Variants in MYO16 observed in about 807,000 individuals in gnomAD.
MYO16 encodes the protein unconventional myosin-XVI.
MYO16 carries 94 observed loss-of-function variants against 205.3 expected under a neutral mutation model. The ratio of observed to expected loss-of-function variants is 0.46; its 90% CI spans 0.39 to 0.54. MYO16 has a LOEUF of 0.54. MYO16 is among the 20% of genes least tolerant of loss of function. The pLI is 0.00. For synonymous variants in MYO16, 988 were observed against 954.0 expected (o/e 1.04, Z -0.66); for missense variants, 2,315 against 2,387.5 (o/e 0.97, Z 0.63).
At chr13:108,498,079 G>C in the MYO16 span, among the ~76,000 whole-genome samples, 5 of 152,188 alleles carry the variant, frequency 3.3e-5, no homozygotes, top group African/African-American at 4.8e-5. Flanking sequence ...TTGCATAAGT[G>C]AGAAGAGATA....
intron 28 of MYO16, among the ~76,000 whole-genome samples, chr13:109,103,826 G>C (rs905087183): frequency 6.6e-6 from 1 of 152,180 alleles, no homozygotes; most frequent in African/African-American, 2.4e-5. Context: ...CTATGCACCT[G>C]TGTCTGCTTT....
At chr13:108,928,975 C>A (rs1882133229) in intron 16 of MYO16, among the ~76,000 whole-genome samples, 1 of 152,000 alleles carries the variant, frequency 6.6e-6, no homozygotes, top group Admixed American at 6.6e-5. Context: ...AAACTAAATA[C>A]AGAAGTAAAG....
At chr13:108,644,941 C>T (rs551566831) in intron 1 of MYO16, among the ~76,000 whole-genome samples, 1 of 152,270 alleles carries the variant, frequency 6.6e-6, no homozygotes, top group African/African-American at 2.4e-5. Flanking sequence ...ATAATACCAG[C>T]AGCATTCTTT....
At chr13:109,135,170 C>A (rs565966355) in intron 31 of MYO16, among the ~76,000 whole-genome samples, 59 of 152,324 alleles carry the variant, frequency 3.9e-4, no homozygotes, top group African/African-American at 1.4e-3. Context: ...TAGAGAATAA[C>A]TGATGCATGC....
At chr13:108,946,659 G>A (rs112262171) in intron 16 of MYO16, among the ~76,000 whole-genome samples, 4,879 of 152,188 alleles carry the variant, frequency 0.032, 90 homozygotes, top group Non-Finnish European at 0.047. Flanking sequence ...AGTGAAATGC[G>A]GAGAAGAGAG....
chr13:109,155,963 T>G (rs181768680), intron 32 of MYO16, among the ~76,000 whole-genome samples: 2 of 152,262 alleles, frequency 1.3e-5, no homozygotes, highest in African/African-American at 4.8e-5. Context: ...AATTCTATCA[T>G]GTAAAAGAAA....
At chr13:108,847,519 T>C (rs77453902) in intron 10 of MYO16, among the ~76,000 whole-genome samples, 1,762 of 152,278 alleles carry the variant, frequency 0.012, 40 homozygotes, top group African/African-American at 0.04. Context: ...TTCAAAGCCA[T>C]AAAGCTCTAA....
At chr13:108,608,693 A>G (rs1879056037) in intron 1 of MYO16, among the ~76,000 whole-genome samples, 1 of 151,992 alleles carries the variant, frequency 6.6e-6, no homozygotes, top group Non-Finnish European at 1.5e-5. Context: ...CCCAGGCTAG[A>G]GTGTGGTGGC....
intron 21 of MYO16, among the ~76,000 whole-genome samples, chr13:108,997,290 C>CAGAAAGAA (rs1200455422): frequency 9.7e-5 from 8 of 82,834 alleles, no homozygotes; most frequent in African/African-American, 3.9e-4. Flanking sequence ...CAAGACCATG[C>CAGAAAGAA]AGAAAGAAAG....
In MYO16 at chr13:108,791,363, G is replaced by A. The variant is rs73610591; in HGVS notation, c.617-2153G>A. Among the ~76,000 whole-genome samples, 970 of 152,266 alleles carry A rather than the reference G, an allele frequency of 6.4e-3. 7 individuals are homozygous for A. The highest frequency in any genetic ancestry group is 0.022 in the African/African-American group (910 of 41,552). The stretch of plus-strand genomic sequence containing the variant: ...CCTAAATGACCAAATAATAGTATAT[G>A]ACACACCTAAATGAGAGGCATGAAA... On this transcript the variant is annotated intron_variant, in intron 5 of 34. Coordinates refer to ENST00000457511, the MANE Select transcript of MYO16 (RefSeq NM_001198950.3).
the MYO16 span, among the ~76,000 whole-genome samples, chr13:108,574,596 C>T: frequency 4.6e-5 from 7 of 151,584 alleles, no homozygotes; most frequent in Admixed American, 4.6e-4. Flanking sequence ...GTCTGAAAAT[C>T]CTCAATCTTT....
chr13:108,645,243 T>C (rs1179113912), intron 1 of MYO16, among the ~76,000 whole-genome samples: 1 of 152,246 alleles, frequency 6.6e-6, no homozygotes, highest in Non-Finnish European at 1.5e-5. Flanking sequence ...CACATTTTCA[T>C]GCTACTTACA....
At chr13:108,604,468 TGAG>T (rs1477623968) in intron 1 of MYO16, among the ~76,000 whole-genome samples, 3 of 152,124 alleles carry the variant, frequency 2.0e-5, no homozygotes, top group African/African-American at 7.2e-5. Flanking sequence ...AAAATCATAG[TGAG>T]TGAATGGGGC....
chr13:109,102,651 G>A (rs1342713696), intron 28 of MYO16, among the ~76,000 whole-genome samples: 1 of 152,064 alleles, frequency 6.6e-6, no homozygotes, highest in Non-Finnish European at 1.5e-5. Context: ...CAATATCTGA[G>A]CAGTGGTCCC....
chr13:108,784,765 A>G (rs868453108), intron 4 of MYO16, among the ~76,000 whole-genome samples: 5 of 152,202 alleles, frequency 3.3e-5, no homozygotes, highest in African/African-American at 4.8e-5. Flanking sequence ...GTTTAATGAC[A>G]TGTTACTGGG....
At chr13:109,050,523 G>A (rs1887211826) in intron 24 of MYO16, among the ~76,000 whole-genome samples, 1 of 152,096 alleles carries the variant, frequency 6.6e-6, no homozygotes, top group Admixed American at 6.5e-5. Flanking sequence ...TGAGTAATTT[G>A]TGAGAAAGTA....
intron 33 of MYO16, among the ~76,000 whole-genome samples, chr13:109,177,455 A>G (rs1879254363): frequency 6.6e-6 from 1 of 151,952 alleles, no homozygotes; most frequent in African/African-American, 2.4e-5. Context: ...TACCCTTTCA[A>G]CTGAGTTTCT....
At chr13:108,602,664 G>A (rs1484166355) in intron 1 of MYO16, among the ~76,000 whole-genome samples, 1 of 152,112 alleles carries the variant, frequency 6.6e-6, no homozygotes, top group Non-Finnish European at 1.5e-5. Flanking sequence ...ATTAAATAAA[G>A]GCTATGTTGG....
intron 32 of MYO16, among the ~76,000 whole-genome samples, chr13:109,142,825 C>T (rs745686718): frequency 6.6e-5 from 10 of 152,122 alleles, no homozygotes; most frequent in Non-Finnish European, 1.2e-4. Context: ...TCTGTATCTG[C>T]GCCCCTGAGC....
Sources: gnomAD v4.1 joint callset for allele counts (sites outside exome capture counted in the v4.1 genomes callset) on GRCh38, gnomAD v4.1.1 for gene constraint, MANE v1.5 for transcripts, NCBI Gene and HGNC (gene_info 2026-07-23, HGNC 2026-07-21) for gene names.